Variants in PDE12 observed in about 807,000 individuals in gnomAD.
The protein encoded by PDE12 is phosphodiesterase 12, also known as 2',5'-phosphodiesterase 12.
In PDE12, 26 loss-of-function variants were observed where a neutral mutation model predicts 45.4. That is an observed-to-expected ratio of 0.57 (90% confidence interval 0.42 to 0.79). The LOEUF is 0.79. Among genes scored for constraint, PDE12 ranks in the 30% least tolerant of loss-of-function variants. The probability of loss-of-function intolerance (pLI) is 0.00; values close to 1 mark genes in which losing one functional copy is unlikely to be tolerated. For synonymous variants in PDE12, 283 were observed against 323.9 expected, an observed-to-expected ratio of 0.87 and a Z score of 1.36; for missense variants, 668 against 790.0, an observed-to-expected ratio of 0.85 and a Z score of 1.85.
chr3:57,639,059 A>G, the PDE12 span, among the ~76,000 whole-genome samples: 20 of 152,214 alleles, frequency 1.3e-4, no homozygotes, highest in East Asian at 3.3e-3. Flanking sequence ...GATTGTGCCA[A>G]TGCACTCCAG....
the PDE12 span, among the ~76,000 whole-genome samples, chr3:57,619,723 G>A: frequency 2.2e-4 from 33 of 151,864 alleles, no homozygotes; most frequent in African/African-American, 7.7e-4. Context: ...GTGGTGGTGG[G>A]CCTGTAGTCC....
the PDE12 span, among the ~76,000 whole-genome samples, chr3:57,583,482 C>T: frequency 6.6e-6 from 1 of 152,116 alleles, no homozygotes; most frequent in Non-Finnish European, 1.5e-5. Flanking sequence ...CAAATCAATG[C>T]AGCGAACTGA....
the PDE12 span, among the ~76,000 whole-genome samples, chr3:57,594,678 G>A: frequency 1.3e-5 from 2 of 152,120 alleles, no homozygotes; most frequent in African/African-American, 4.8e-5. Context: ...ACTTTAAAAT[G>A]GTAAAGTCTG....
At chr3:57,631,079 T>C in the PDE12 span, 1 of 1,010,472 alleles carries the variant, frequency 9.9e-7, no homozygotes, top group Non-Finnish European at 1.5e-6. Context: ...TCATATGCCC[T>C]TTCAATGGAC....
the PDE12 span, among the ~76,000 whole-genome samples, chr3:57,589,392 C>T: frequency 1.3e-5 from 2 of 151,982 alleles, no homozygotes; most frequent in Admixed American, 6.6e-5. Flanking sequence ...CACACCACTG[C>T]AATTCAGCGT....
the PDE12 span, among the ~76,000 whole-genome samples, chr3:57,643,568 C>T: frequency 6.6e-6 from 1 of 152,142 alleles, no homozygotes; most frequent in East Asian, 1.9e-4. Flanking sequence ...TGGCTCACGT[C>T]TGTAATCCCA....
chr3:57,654,674 A>G, the PDE12 span: 21 of 984,952 alleles, frequency 2.1e-5, no homozygotes, highest in South Asian at 4.7e-5. Context: ...TGAGGAAACT[A>G]TTTCTGTGAT....
the PDE12 span, among the ~76,000 whole-genome samples, chr3:57,598,754 C>G: frequency 5.3e-5 from 8 of 152,216 alleles, no homozygotes; most frequent in African/African-American, 1.9e-4. Flanking sequence ...GCACTCCAGC[C>G]TGGGCGACAG....
In PDE12 at chr3:57,559,974, A is replaced by ATGT; in HGVS notation, c.1800_1801insTGT (p.Ile600_Ala601insCys). ...GTGTTTCCCATCCCTCTGATCACAT[A>ATGT]GCACTTGTATGTGATTTAAAATGGA... On this transcript the variant is annotated inframe_insertion, in exon 3 of 3. Transcript: ENST00000311180. The ATGT allele has an allele frequency of 6.2e-7, 1 of 1,610,278 alleles. No homozygotes were observed. Among genetic ancestry groups the ATGT allele is most frequent in the Non-Finnish European group, 8.5e-7 (1 of 1,179,208 alleles).
In PDE12 at chr3:57,562,062, T is replaced by C. The variant is rs1322701177; in HGVS notation, c.*2058T>C. 2 of 981,802 alleles carry C rather than the reference T, an allele frequency of 2.0e-6. No individual in the cohort carries two copies. The highest frequency in any genetic ancestry group is 9.4e-5 in the South Asian group (2 of 21,216). The allele number at this position is 981,802 out of a possible 1,614,324, so 60.8% of individuals were successfully genotyped here. Reference sequence around the variant, plus strand: ...CTTGATTCTCTTGTGAATTTTTTTTTCATTTTAAAAATATGTTTTTGGGCT... The same window carrying C: ...CTTGATTCTCTTGTGAATTTTTTTTCCATTTTAAAAATATGTTTTTGGGCT... On this transcript the variant is annotated 3_prime_UTR_variant, in exon 3 of 3. Coordinates refer to ENST00000311180, the MANE Select transcript of PDE12 (RefSeq NM_177966.7).
At chr3:57,586,259 A>G in the PDE12 span, among the ~76,000 whole-genome samples, 1 of 151,732 alleles carries the variant, frequency 6.6e-6, no homozygotes, top group Non-Finnish European at 1.5e-5. Flanking sequence ...TATCGATTCA[A>G]TCAAGTATTG....
chr3:57,586,797 G>A, the PDE12 span, among the ~76,000 whole-genome samples: 1 of 151,962 alleles, frequency 6.6e-6, no homozygotes, highest in African/African-American at 2.4e-5. Context: ...AACAAAGGGG[G>A]GTGGCAAAAA....
At chr3:57,653,622 T>C in the PDE12 span, among the ~76,000 whole-genome samples, 1 of 151,742 alleles carries the variant, frequency 6.6e-6, no homozygotes, top group Non-Finnish European at 1.5e-5. Flanking sequence ...GGCACAAGCC[T>C]GTAGTCCCAG....
At chr3:57,649,924 C>T in the PDE12 span, among the ~76,000 whole-genome samples, 254 of 51,884 alleles carry the variant, frequency 4.9e-3, 2 homozygotes, top group African/African-American at 9.0e-3. Context: ...TATATATATA[C>T]ACACACACAC....
At chr3:57,588,305 C>A in the PDE12 span, among the ~76,000 whole-genome samples, 1 of 152,216 alleles carries the variant, frequency 6.6e-6, no homozygotes, top group Non-Finnish European at 1.5e-5. Context: ...TCACTCACAC[C>A]TGTAATCCTA....
chr3:57,568,434 G>A (rs963866971), downstream of PDE12, among the ~76,000 whole-genome samples: 11 of 152,132 alleles, frequency 7.2e-5, no homozygotes, highest in African/African-American at 1.7e-4. Context: ...CAGCCTGGGC[G>A]ACAGAGCGAG....
chr3:57,583,789 T>C, the PDE12 span: 6 of 772,178 alleles, frequency 7.8e-6, no homozygotes, highest in Non-Finnish European at 1.3e-5. Flanking sequence ...ATAAGACAAA[T>C]GCCAACTCAT....
chr3:57,557,676 T>C lies in PDE12; in HGVS notation c.1297T>C (p.Ser433Pro). 1 of 1,613,568 alleles carries C rather than the reference T, an allele frequency of 6.2e-7. No homozygotes were observed. The highest frequency in any genetic ancestry group is 1.7e-5 in the Admixed American group (1 of 59,990). ...SAQEKVLQRS[S>P]VLQVSVLQST... Reference sequence around the variant, plus strand: ...GCAGGAGAAGGTGCTCCAGAGATCTTCTGTTCTTCAGGTAAAGTAGTTCCG... The same window carrying C: ...GCAGGAGAAGGTGCTCCAGAGATCTCCTGTTCTTCAGGTAAAGTAGTTCCG... Residue 433 changes from serine to proline, a missense_variant, in exon 1 of 3, where the codon TCT becomes CCT. Around this residue, in one of 3 missense-constraint regions of PDE12, gnomAD observed 580 missense variants for 662.9 expected, o/e 0.87. Transcript: ENST00000311180.
At chr3:57,577,475 T>TA in the PDE12 span, 5 of 975,104 alleles carry the variant, frequency 5.1e-6, no homozygotes, top group Non-Finnish European at 8.0e-6. Flanking sequence ...TACCAATGGT[T>TA]AGACATTAGG....
Sources: allele counts gnomAD v4.1 joint callset (sites outside exome capture counted in the v4.1 genomes callset), GRCh38; gene constraint gnomAD v4.1.1; regional missense constraint gnomAD v4.1.1; transcripts MANE v1.5; gene names NCBI Gene and HGNC (gene_info 2026-07-23, HGNC 2026-07-21).